ZHX3: variants seen among roughly 807,000 people sequenced by gnomAD.
The protein encoded by ZHX3 is zinc fingers and homeoboxes 3.
A neutral mutation model predicts 64.5 loss-of-function variants in ZHX3; 20 were observed. The observed-to-expected ratio is 0.31, with a 90% CI of 0.22 to 0.45. The LOEUF (loss-of-function observed/expected upper bound fraction) is 0.45. Among genes scored for constraint, ZHX3 ranks in the 20% least tolerant of loss-of-function variants. The probability of loss-of-function intolerance (pLI) is 1.00; values close to 1 mark genes in which losing one functional copy is unlikely to be tolerated. For missense variants in ZHX3, 1,041 were observed against 1,195.8 expected (o/e 0.87, Z 1.91); for synonymous variants, 423 against 461.6 (o/e 0.92, Z 1.07).
intron 1 of ZHX3, among the ~76,000 whole-genome samples, chr20:41,315,174 T>C (rs551926760): frequency 6.6e-6 from 1 of 152,092 alleles, no homozygotes; most frequent in South Asian, 2.1e-4. Flanking sequence ...GCAAAGGCAC[T>C]GAGGCTGGAG....
chr20:41,286,264 G>T (rs2043930949), intron 1 of ZHX3, among the ~76,000 whole-genome samples: 1 of 152,046 alleles, frequency 6.6e-6, no homozygotes, highest in Admixed American at 6.6e-5. Flanking sequence ...TTCCTAAGGG[G>T]TTTTTTAGCA....
At chr20:41,313,594 T>C (rs1234548138) in intron 1 of ZHX3, among the ~76,000 whole-genome samples, 2 of 68,692 alleles carry the variant, frequency 2.9e-5, no homozygotes, top group Non-Finnish European at 5.3e-5. Flanking sequence ...CTTTTAGGCC[T>C]TTTTTTTTTT....
chr20:41,286,232 C>T (rs963412305), intron 1 of ZHX3, among the ~76,000 whole-genome samples: 1 of 152,180 alleles, frequency 6.6e-6, no homozygotes, highest in African/African-American at 2.4e-5. Context: ...CTAATCCTTC[C>T]TTCTGCATTC....
rs1467816530 is a variant in ZHX3 at position 41,201,443 on chromosome 20, T to TA, written c.2860+613dup. The TA allele has an allele frequency of 2.5e-6, 3 of 1,209,574 alleles. No individual in the cohort carries two copies. In the African/African-American group the frequency reaches 4.7e-5, roughly 19 times the overall value. The allele number at this position is 1,209,574 out of a possible 1,614,324, so 74.9% of individuals were successfully genotyped here. A position where few individuals can be genotyped will look rare whatever the true frequency, so the allele number is the denominator to read the frequency against. On this transcript the variant is annotated intron_variant, in intron 3 of 3. Transcript: ENST00000683867. This position sits in a 1 kb window ranked among gnomAD's most constrained non-coding sequence, Gnocchi z 5.0. ...TGTGGCTTCAAAACTATGTCTTAAA[T>TA]AAAAATAATCTTCTATGATACATTT...
intron 2 of ZHX3, among the ~76,000 whole-genome samples, chr20:41,214,382 G>C (rs546183504): frequency 2.0e-5 from 3 of 152,136 alleles, no homozygotes; most frequent in Non-Finnish European, 4.4e-5. Context: ...TGCCTGGAGC[G>C]CACACAACTG....
chr20:41,266,931 G>C (rs1427178277), intron 2 of ZHX3, among the ~76,000 whole-genome samples: 1 of 128,678 alleles, frequency 7.8e-6, no homozygotes, highest in African/African-American at 2.9e-5. Context: ...TGCAACCTCC[G>C]CCTCCCGGGT....
intron 1 of ZHX3, among the ~76,000 whole-genome samples, chr20:41,269,821 T>C (rs1229751530): frequency 6.6e-6 from 1 of 151,868 alleles, no homozygotes; most frequent in Non-Finnish European, 1.5e-5. Context: ...TAGACTCTAG[T>C]GTATCATGAC....
chr20:41,215,320 A>G (rs1281477538), intron 2 of ZHX3, among the ~76,000 whole-genome samples: 3 of 152,204 alleles, frequency 2.0e-5, no homozygotes, highest in African/African-American at 7.2e-5. Flanking sequence ...ACAAAAGTGC[A>G]TAACTTTTTT....
chr20:41,297,865 C>A (rs763203695), intron 1 of ZHX3, among the ~76,000 whole-genome samples: 1 of 152,174 alleles, frequency 6.6e-6, no homozygotes, highest in Non-Finnish European at 1.5e-5. Flanking sequence ...TCCTAGCCCA[C>A]CATAATGTGT....
At chr20:41,242,238 T>C (rs1273723512) in intron 2 of ZHX3, among the ~76,000 whole-genome samples, 2 of 152,218 alleles carry the variant, frequency 1.3e-5, no homozygotes, top group African/African-American at 4.8e-5. Context: ...ATGAGCTAAA[T>C]ATCAACTTGA....
chr20:41,181,539 A>G lies in ZHX3; in HGVS notation c.*3652T>C, dbSNP rs2036252027. The G allele has an allele frequency of 6.6e-6, 1 of 152,142 alleles. No homozygotes were observed. The highest frequency in any genetic ancestry group is 2.4e-5 in the African/African-American group (1 of 41,416). 9.4% of individuals were successfully genotyped at this position (152,142 alleles called of 1,614,324 possible). On this transcript the variant is annotated 3_prime_UTR_variant, in exon 4 of 4. Transcript: ENST00000683867. ...ACCAATCTGAGGATATTGGTCCAAA[A>G]AGAGACAAGAGACCACGAGGCTCAA...
chr20:41,266,915 G>T (rs972267756), intron 2 of ZHX3, among the ~76,000 whole-genome samples: 1 of 142,974 alleles, frequency 7.0e-6, no homozygotes, highest in African/African-American at 2.6e-5. Flanking sequence ...TGCCGTCTCG[G>T]CTCACTGCAA....
chr20:41,193,595 T>C (rs993383496), intron 3 of ZHX3, among the ~76,000 whole-genome samples: 4 of 152,148 alleles, frequency 2.6e-5, no homozygotes, highest in African/African-American at 9.7e-5. Flanking sequence ...CCCAGCTAAA[T>C]ACAAATGATT....
Position 41,202,884 on chromosome 20 carries a change from T to C in ZHX3, c.2033A>G (p.Asn678Ser), listed in dbSNP as rs771995478. 8 of 1,614,064 alleles carry C rather than the reference T, an allele frequency of 5.0e-6. No homozygotes were observed. Among genetic ancestry groups the C allele is most frequent in the Middle Eastern group, 1.6e-4 (1 of 6,084 alleles). The part of the protein sequence containing the change: ...NAEETKKAEE[N>S]ASQEEEEAAE... ...AGCCTCCTCTTCCTCCTGAGAGGCATTCTCCTCAGCCTTCTTGGTCTCCTC... is the reference window on the plus strand; with the variant it reads ...AGCCTCCTCTTCCTCCTGAGAGGCACTCTCCTCAGCCTTCTTGGTCTCCTC... The change falls in exon 3 of 4, where the codon AAT becomes AGT. Residue 678 changes from asparagine to serine, a missense_variant. By Grantham distance (46) the Asn-to-Ser change is conservative (BLOSUM62 1). Coordinates refer to ENST00000683867, the MANE Select transcript of ZHX3 (RefSeq NM_001384317.1). The surrounding 1 kb of genome is among the most constrained non-coding windows in gnomAD (Gnocchi z 7.0).
At chr20:41,190,619 T>C (rs962400630) in intron 3 of ZHX3, among the ~76,000 whole-genome samples, 5 of 152,248 alleles carry the variant, frequency 3.3e-5, no homozygotes, top group African/African-American at 1.2e-4. Flanking sequence ...ATCTGTGTGT[T>C]TGCTTTGCCA....
Position 41,300,595 on chromosome 20 carries a change from T to C in ZHX3, c.-245+16914A>G, listed in dbSNP as rs552819145. On this transcript the variant is annotated intron_variant, in intron 1 of 3. Transcript: ENST00000683867. Reference sequence around the variant, plus strand: ...GTGCTATCACAGAGGTAATCTACTTTATGCTCCAGGAGAAATGGAAAAGGA... The same window carrying C: ...GTGCTATCACAGAGGTAATCTACTTCATGCTCCAGGAGAAATGGAAAAGGA... Among the ~76,000 whole-genome samples the C allele has an allele frequency of 3.3e-5, 5 of 152,258 alleles. No individual in the cohort carries two copies. In the East Asian group the frequency reaches 9.7e-4, roughly 29 times the overall value.
chr20:41,241,016 T>G (rs1025946016), intron 2 of ZHX3, among the ~76,000 whole-genome samples: 1 of 152,204 alleles, frequency 6.6e-6, no homozygotes, highest in Admixed American at 6.5e-5. Flanking sequence ...ATTTCCTTTT[T>G]GGGGGTATAT....
chr20:41,289,112 C>T (rs1308351030), intron 1 of ZHX3, among the ~76,000 whole-genome samples: 5 of 152,100 alleles, frequency 3.3e-5, no homozygotes, highest in Non-Finnish European at 7.3e-5. Context: ...CCACCTCAGC[C>T]TCTCAAATAG....
At chr20:41,275,209 A>G (rs2043321721) in intron 1 of ZHX3, among the ~76,000 whole-genome samples, 2 of 152,178 alleles carry the variant, frequency 1.3e-5, no homozygotes, top group Admixed American at 1.3e-4. Flanking sequence ...CTTCAGTCAG[A>G]AAATACCATC....
Sources: allele counts gnomAD v4.1 joint callset (sites outside exome capture counted in the v4.1 genomes callset), GRCh38; gene constraint gnomAD v4.1.1; non-coding constraint Gnocchi (gnomAD v3.1); transcripts MANE v1.5; gene names NCBI Gene and HGNC (gene_info 2026-07-23, HGNC 2026-07-21).